The following ZFR variants were observed in gnomAD, a reference collection of about 807,000 sequenced individuals.
The protein encoded by ZFR is zinc finger RNA-binding protein.
A neutral mutation model predicts 130.7 loss-of-function variants in ZFR; 19 were observed. That is an observed-to-expected ratio of 0.15 (90% CI 0.10 to 0.21). The LOEUF (loss-of-function observed/expected upper bound fraction) is 0.21, where lower values mean the gene tolerates loss of function less well. Ranked by LOEUF, ZFR falls within the 10% of genes least tolerant of loss-of-function variation. The pLI is 1.00. For missense variants in ZFR, 872 were observed against 1,321.5 expected (o/e 0.66, Z 5.27); for synonymous variants, 466 against 456.9 (o/e 1.02, Z -0.25).
chr5:32,407,042 A>C (rs1312561969), intron 5 of ZFR, 21 bp from the exon 6 acceptor site: 23 of 1,450,928 alleles, frequency 1.6e-5, no homozygotes, highest in Non-Finnish European at 2.0e-5. Context: ...AAAATCAAAC[A>C]AAAATTATGT....
intron 17 of ZFR, among the ~76,000 whole-genome samples, chr5:32,370,367 C>A (rs1207695498): frequency 7.0e-6 from 1 of 143,824 alleles, no homozygotes; most frequent in Admixed American, 7.0e-5. Context: ...GACAGACAGA[C>A]AGGCAGGCAG....
intron 2 of ZFR, among the ~76,000 whole-genome samples, chr5:32,440,011 T>C (rs1369828795): frequency 6.6e-6 from 1 of 152,176 alleles, no homozygotes; most frequent in Non-Finnish European, 1.5e-5. Flanking sequence ...TTTGATCCTA[T>C]GAAACTATTA....
rs776790054 is a variant in ZFR, at chr5:32,419,809, T to G, written c.420+12A>C. On this transcript the variant is annotated intron_variant, in intron 3 of 19. Coordinates refer to ENST00000265069, the MANE Select transcript of ZFR (RefSeq NM_016107.5). ...CGCACATTCAGGCTACCAAAACTAG[T>G]AGTTTTCTTACCTGGTAGTTTTGTG... 4 of 1,579,716 alleles carry G rather than the reference T, an allele frequency of 2.5e-6. No individual in the cohort carries two copies. The East Asian group carries it at 9.0e-5, about 36-fold the overall frequency.
chr5:32,380,782 G>A (rs1389207264), intron 15 of ZFR, among the ~76,000 whole-genome samples: 2 of 151,286 alleles, frequency 1.3e-5, no homozygotes, highest in African/African-American at 2.4e-5. Context: ...CCAAGTAGCT[G>A]GGATTACAGG....
chr5:32,406,700 A>G, intron 6 of ZFR, 74 bp downstream of exon 6: 1 of 1,489,506 alleles, frequency 6.7e-7, no homozygotes, highest in Non-Finnish European at 8.9e-7. Flanking sequence ...CTCTTTTAGT[A>G]GGCTCAGGAG....
chr5:32,436,841 T>C (rs1274613310), intron 2 of ZFR, among the ~76,000 whole-genome samples: 1 of 152,210 alleles, frequency 6.6e-6, no homozygotes, highest in Non-Finnish European at 1.5e-5. Context: ...GGGATACTGA[T>C]AATGTTCTGT....
intron 16 of ZFR, 80 bp from the exon 17 acceptor site, chr5:32,379,290 C>T (rs1430825778): frequency 8.1e-7 from 1 of 1,232,890 alleles, no homozygotes; most frequent in Non-Finnish European, 1.2e-6. Flanking sequence ...GTTAAAATAC[C>T]ACCGTTCAAT....
chr5:32,363,856 T>C (rs111557754), intron 19 of ZFR, 92 bp downstream of exon 19: 1 of 1,038,702 alleles, frequency 9.6e-7, no homozygotes. Context: ...GAATATTATA[T>C]AGTGACTTAT....
chr5:32,381,520 T>C (rs985949044), intron 15 of ZFR, among the ~76,000 whole-genome samples: 1 of 152,058 alleles, frequency 6.6e-6, no homozygotes, highest in Non-Finnish European at 1.5e-5. Flanking sequence ...ATATATAAAA[T>C]GAATATGGAC....
In ZFR at chr5:32,379,220, A is replaced by G. The variant is rs1385422459; in HGVS notation, c.2740-10T>C. Reference sequence around the variant, plus strand: ...GACCATTAGCTCTAGCCTTGAGAGCAACATAAAAACCAATTGAATTAATCT... The same window carrying G: ...GACCATTAGCTCTAGCCTTGAGAGCGACATAAAAACCAATTGAATTAATCT... On this transcript the variant is annotated splice_polypyrimidine_tract_variant and intron_variant, in intron 16 of 19. Coordinates refer to ENST00000265069, the MANE Select transcript of ZFR (RefSeq NM_016107.5). 6.2e-7 allele frequency: 1 copy of G among 1,608,210 alleles called. No individual in the cohort carries two copies.
Position 32,390,392 on chromosome 5 carries a change from T to C in ZFR, c.2025A>G (p.Gln675=), listed in dbSNP as rs758056214. The C allele has an allele frequency of 6.2e-7, 1 of 1,614,146 alleles. No individual in the cohort carries two copies. Among genetic ancestry groups the C allele is most frequent in the South Asian group, 1.1e-5 (1 of 91,082 alleles). Reference sequence around the variant, plus strand: ...TTCGGCGGCGATCATCCCAATGATGTTGTTCTTCCTCCATTCTCCTCCAGT... The same window carrying C: ...TTCGGCGGCGATCATCCCAATGATGCTGTTCTTCCTCCATTCTCCTCCAGT... The part of the protein sequence containing the change: ...DMYWRRMEEE[Q]HHWDDRRRMP... Residue 675 remains glutamine, a synonymous_variant, in exon 12 of 20, where the codon CAA becomes CAG. Transcript: ENST00000265069.
Position 32,418,241 on chromosome 5 carries a change from CAGAG to C in ZFR, c.421-453_421-450del, listed in dbSNP as rs1329930935. Among the ~76,000 whole-genome samples, 3 of 132,628 alleles carry C rather than the reference CAGAG, an allele frequency of 2.3e-5. No individual in the cohort carries two copies. The South Asian group carries it at 7.5e-4, about 33-fold the overall frequency. 87.0% of individuals were successfully genotyped at this position (132,628 alleles called of 152,430 possible). ...CGCCACTGCACTCCAGCCTGGGCGA[CAGAG>C]AGAGATTCTGCCTCAAAAAAAAAAA... On this transcript the variant is annotated intron_variant, in intron 3 of 19. Coordinates refer to ENST00000265069, the MANE Select transcript of ZFR (RefSeq NM_016107.5).
chr5:32,435,336 A>G (rs1415168098), intron 2 of ZFR, among the ~76,000 whole-genome samples: 2 of 152,260 alleles, frequency 1.3e-5, no homozygotes, highest in African/African-American at 2.4e-5. Flanking sequence ...CCTTCTGTCA[A>G]TTCAGTTTTT....
intron 15 of ZFR, among the ~76,000 whole-genome samples, chr5:32,381,275 A>C (rs1180645200): frequency 1.3e-5 from 2 of 152,232 alleles, no homozygotes; most frequent in Non-Finnish European, 2.9e-5. Flanking sequence ...CATTCATAAA[A>C]GTAGACAAAG....
At chr5:32,394,425 C>G (rs1038034937) in intron 11 of ZFR, 2 of 168,610 alleles carry the variant, frequency 1.2e-5, no homozygotes, top group Non-Finnish European at 2.9e-5. Flanking sequence ...TTTATTAATT[C>G]AAATCGTCAT....
chr5:32,420,159 C>T, intron 2 of ZFR, 56 bp from the exon 3 acceptor site: 1 of 1,369,650 alleles, frequency 7.3e-7, no homozygotes, highest in Non-Finnish European at 9.5e-7. Flanking sequence ...CAGGAGTTAA[C>T]CAACTTCAAT....
At chr5:32,371,234 G>T (rs997935939) in intron 17 of ZFR, among the ~76,000 whole-genome samples, 2 of 152,056 alleles carry the variant, frequency 1.3e-5, no homozygotes, top group African/African-American at 4.8e-5. Context: ...GTCAGGTATG[G>T]TGGCATGTGC....
At chr5:32,389,843 C>T (rs543216237) in intron 12 of ZFR, among the ~76,000 whole-genome samples, 112 of 152,284 alleles carry the variant, frequency 7.4e-4, no homozygotes, top group Middle Eastern at 6.8e-3. Context: ...AGGAAAGATT[C>T]TAAATCAGAT....
intron 19 of ZFR, among the ~76,000 whole-genome samples, chr5:32,358,346 G>A (rs1386716036): frequency 1.6e-4 from 25 of 152,266 alleles, no homozygotes; most frequent in Non-Finnish European, 8.8e-5. Context: ...GACAGAGAGA[G>A]ACTGTCTCAA....
Sources: allele counts gnomAD v4.1 joint callset (sites outside exome capture counted in the v4.1 genomes callset), GRCh38; gene constraint gnomAD v4.1.1; transcripts MANE v1.5; gene names NCBI Gene and HGNC (gene_info 2026-07-23, HGNC 2026-07-21).